Variants in DNHD1 observed in about 807,000 individuals in gnomAD.
The protein encoded by DNHD1 is dynein heavy chain domain 1.
DNHD1 carries 383 observed loss-of-function variants against 458.1 expected under a neutral mutation model. The ratio of observed to expected loss-of-function variants is 0.84; its 90% CI spans 0.77 to 0.91. The LOEUF is 0.91. Ranked by LOEUF, DNHD1 falls within the 40% of genes least tolerant of loss-of-function variation. The pLI, the probability that DNHD1 is intolerant of heterozygous loss-of-function variation, is 0.00. For missense variants in DNHD1, 5,336 were observed against 5,866.1 expected (o/e 0.91, Z 2.95); for synonymous variants, 2,203 against 2,376.9 (o/e 0.93, Z 2.13).
intron 4 of DNHD1, among the ~76,000 whole-genome samples, chr11:6,506,964 GAT>G (rs1589865692): frequency 1.3e-5 from 2 of 152,166 alleles, no homozygotes; most frequent in East Asian, 1.9e-4. Flanking sequence ...GGTGGGGGTA[GAT>G]ATTGAGTTTA....
rs1226454558 is a variant in DNHD1, at chr11:6,559,168, A to G, written c.9417-13A>G. On this transcript the variant is annotated splice_polypyrimidine_tract_variant and intron_variant, in intron 27 of 42. Coordinates refer to ENST00000254579, the MANE Select transcript of DNHD1 (RefSeq NM_144666.3). ...CTCCTTTGGGTTTCCTCACCAGCAC[A>G]TTGTATCTCCAGGGTCCAGAATGCC... The G allele has an allele frequency of 1.3e-6, 2 of 1,551,612 alleles. No homozygotes were observed. Among genetic ancestry groups the G allele is most frequent in the Non-Finnish European group, 8.7e-7 (1 of 1,146,956 alleles).
In DNHD1 at chr11:6,570,918, C is replaced by A; in HGVS notation, c.13406C>A (p.Pro4469Gln). 6.2e-7 allele frequency: 1 copy of A among 1,613,218 alleles called. No homozygotes were observed. The highest frequency in any genetic ancestry group is 1.1e-5 in the South Asian group (1 of 91,072). ...ATTCGCCAAGACGAGTCCGACGCCC[C>A]GTGGTCAGTGCTGGGGCCAAATGCA... Reference protein sequence around the residue: ...HVIRQDESDAPWSVLGPNARR... With the variant: ...HVIRQDESDAQWSVLGPNARR... Residue 4469 changes from proline (P) to glutamine (Q), a missense_variant, in exon 42 of 43, where the codon CCG (proline) becomes CAG (glutamine). Pro to Gln is a moderately conservative substitution (Grantham distance 76, BLOSUM62 -1). Around this residue, in one of 4 missense-constraint regions of DNHD1, gnomAD observed 698 missense variants for 664.9 expected, o/e 1.05. Coordinates refer to ENST00000254579, the MANE Select transcript of DNHD1 (RefSeq NM_144666.3).
chr11:6,566,681 CAG>C lies in DNHD1; in HGVS notation c.11306_11307del (p.Glu3769ValfsTer3). 3 of 1,613,268 alleles carry C rather than the reference CAG, an allele frequency of 1.9e-6. No homozygotes were observed. Among genetic ancestry groups the C allele is most frequent in the Non-Finnish European group, 2.5e-6 (3 of 1,179,600 alleles). Reference protein sequence around the residue: ...EEQMLHEILCREYPELETRWQ... With the variant: ...EEQMLHEILCXEYPELETRWQ... Reference sequence around the variant, plus strand: ...AACAGATGCTGCATGAAATCTTGTGCAGAGAGTATCCTGAACTCGAGACCCGC... The same window carrying C: ...AACAGATGCTGCATGAAATCTTGTGCAGAGTATCCTGAACTCGAGACCCGC... On this transcript the variant is annotated frameshift_variant, in exon 35 of 43. Coordinates refer to ENST00000254579, the MANE Select transcript of DNHD1 (RefSeq NM_144666.3). LOFTEE classifies it high-confidence loss of function.
Position 6,558,270 on chromosome 11 carries a change from A to C in DNHD1, c.8975A>C (p.Asn2992Thr). 1 of 1,551,512 alleles carries C rather than the reference A, an allele frequency of 6.4e-7. No individual in the cohort carries two copies. The highest frequency in any genetic ancestry group is 1.4e-5 in the African/African-American group (1 of 73,186). Residue 2992 changes from asparagine to threonine, a missense_variant, in exon 25 of 43, where the codon AAC (asparagine) becomes ACC (threonine). This residue lies in a region of DNHD1 where 3,932 missense variants were observed against 4,365.6 expected (regional missense o/e 0.90). Transcript: ENST00000254579. ...AGGGAGAACCTTGGTGTCAAACAGA[A>C]CATCAAGAAGGAAATGGTGTTGCAG... is the stretch of plus-strand genomic sequence containing the variant. Reference protein sequence around the residue: ...LPRENLGVKQNIKKEMVLQRF... With the variant: ...LPRENLGVKQTIKKEMVLQRF...
In DNHD1 at chr11:6,529,015, G is replaced by C; in HGVS notation, c.2241G>C (p.Val747=). The part of the protein sequence containing the change: ...GGPIKNYVTL[V]SRLNVWQARV... The stretch of plus-strand genomic sequence containing the variant: ...CCATCAAGAACTACGTGACGCTGGT[G>C]AGCCGCCTGAATGTTTGGCAGGCCC... The change falls in exon 12 of 43, where the codon GTG becomes GTC. Residue 747 remains valine (V), a synonymous_variant. Coordinates refer to ENST00000254579, the MANE Select transcript of DNHD1 (RefSeq NM_144666.3). 6.4e-7 allele frequency: 1 copy of C among 1,551,500 alleles called. No homozygotes were observed. Among genetic ancestry groups the C allele is most frequent in the African/African-American group, 1.4e-5 (1 of 73,172 alleles).
intron 10 of DNHD1, chr11:6,520,808 A>G (rs2134396549): frequency 1.0e-6 from 1 of 990,788 alleles, no homozygotes; most frequent in East Asian, 1.1e-4. Flanking sequence ...ACATCTTCAC[A>G]TTTCCCTTAT....
chr11:6,536,238 A>G (rs1852945707), intron 14 of DNHD1, among the ~76,000 whole-genome samples: 1 of 152,210 alleles, frequency 6.6e-6, no homozygotes, highest in African/African-American at 2.4e-5. Context: ...ACTAAGAGAC[A>G]TGACAAATGC....
rs891984093 is a variant in DNHD1 at position 6,566,303 on chromosome 11, C to T, written c.11116C>T (p.Leu3706=). The change falls in exon 34 of 43, where the codon CTG becomes TTG. Residue 3706 remains leucine, a synonymous_variant. Coordinates refer to ENST00000254579, the MANE Select transcript of DNHD1 (RefSeq NM_144666.3). ...AGGGTGCGAAGAACTGCAATGGCTG[C>T]TGCAACGGGAGCAGCTGAGTCCACC... ...GLGCEELQWL[L]QREQLSPPQV... is the part of the protein sequence containing the mutation. The T allele has an allele frequency of 1.6e-5, 25 of 1,551,878 alleles. No homozygotes were observed. The highest frequency in any genetic ancestry group is 1.7e-5 in the Non-Finnish European group (19 of 1,147,130).
At position 6,547,188 on chromosome 11, in the gene DNHD1, GATA is replaced by G. The variant is rs1564816545; in HGVS notation, c.6253_6255del (p.Ile2085del). 4 of 1,551,774 alleles carry G rather than the reference GATA, an allele frequency of 2.6e-6. No individual in the cohort carries two copies. Among genetic ancestry groups the G allele is most frequent in the South Asian group, 1.2e-5 (1 of 84,068 alleles). On this transcript the variant is annotated inframe_deletion, in exon 21 of 43. Coordinates refer to ENST00000254579, the MANE Select transcript of DNHD1 (RefSeq NM_144666.3). ...AGGAATCAATCGGGATCCAGCACTG[GATA>G]ATATGTGATGGAGCCTCCAATGGTG...
Position 6,519,671 on chromosome 11 carries a change from A to G in DNHD1, c.1464A>G (p.Thr488=). 6.2e-7 allele frequency: 1 copy of G among 1,614,220 alleles called. No homozygotes were observed. The highest frequency in any genetic ancestry group is 1.1e-5 in the South Asian group (1 of 91,088). The change falls in exon 8 of 43, where the codon ACA becomes ACG. Residue 488 remains threonine (T), a synonymous_variant. Transcript: ENST00000254579. The part of the protein sequence containing the change: ...ERVQNCDRIR[T]GQGSIYLQRV... ...TACAAAACTGTGACAGGATCAGGAC[A>G]GGCCAAGGCTCCATATACCTTCAGA...
rs1304493646 is a variant in DNHD1 at position 6,546,333 on chromosome 11, C to T, written c.5394C>T (p.Arg1798=). 6.4e-7 allele frequency: 1 copy of T among 1,552,386 alleles called. No homozygotes were observed. Among genetic ancestry groups the T allele is most frequent in the East Asian group, 2.4e-5 (1 of 40,922 alleles). ...SFFEKHHVSV[R]LGYGCLLVLR... is the part of the protein sequence containing the mutation. Reference sequence around the variant, plus strand: ...TTGAAAAACATCACGTGTCTGTGCGCCTTGGCTATGGCTGTCTCCTGGTAC... The same window carrying T: ...TTGAAAAACATCACGTGTCTGTGCGTCTTGGCTATGGCTGTCTCCTGGTAC... The change falls in exon 21 of 43, where the codon CGC becomes CGT. Residue 1798 remains arginine (R), a synonymous_variant. Transcript: ENST00000254579.
intron 15 of DNHD1, 21 bp from the exon 16 acceptor site, chr11:6,538,591 A>C: frequency 3.9e-6 from 6 of 1,548,856 alleles, no homozygotes; most frequent in Non-Finnish European, 5.2e-6. Flanking sequence ...TCAAGCTGAC[A>C]GTGAGCCCTT....
chr11:6,515,877 T>C (rs1228320304), intron 7 of DNHD1, among the ~76,000 whole-genome samples: 2 of 148,388 alleles, frequency 1.3e-5, no homozygotes, highest in Non-Finnish European at 3.0e-5. Context: ...CTCCACCCCC[T>C]TGGGCTCAAG....
At chr11:6,511,130 C>G (rs997088896) in intron 6 of DNHD1, 143 bp from the exon 7 acceptor site, 10 of 1,105,450 alleles carry the variant, frequency 9.0e-6, no homozygotes, top group Admixed American at 7.7e-5. Context: ...CGAGAGGGAG[C>G]TGTCACTATT....
At chr11:6,525,213 G>A (rs1376197270) in intron 10 of DNHD1, among the ~76,000 whole-genome samples, 1 of 152,150 alleles carries the variant, frequency 6.6e-6, no homozygotes, top group Non-Finnish European at 1.5e-5. Context: ...CTTTTTGCCA[G>A]GAAAAGGAAT....
chr11:6,514,985 C>T (rs1852428426), intron 7 of DNHD1, among the ~76,000 whole-genome samples: 1 of 152,174 alleles, frequency 6.6e-6, no homozygotes, highest in Non-Finnish European at 1.5e-5. Context: ...TCAGGCAAAA[C>T]TCATCCTTTT....
Position 6,563,053 on chromosome 11 carries a change from G to A in DNHD1, c.9591G>A (p.Arg3197=), listed in dbSNP as rs1368328080. The A allele has an allele frequency of 6.4e-7, 1 of 1,551,664 alleles. No homozygotes were observed. The highest frequency in any genetic ancestry group is 8.7e-7 in the Non-Finnish European group (1 of 1,146,978). Residue 3197 remains arginine, a synonymous_variant, in exon 29 of 43, where the codon CGG becomes CGA. Coordinates refer to ENST00000254579, the MANE Select transcript of DNHD1 (RefSeq NM_144666.3). ...ACAAGCAGCAGCTGGAAGAGTGTCG[G>A]CATCAAGAGAACCTCATTGAGAACC... ...LLYKQQLEEC[R]HQENLIENLA...
Position 6,538,502 on chromosome 11 carries a change from T to C in DNHD1, c.3118T>C (p.Phe1040Leu). 1 of 1,551,742 alleles carries C rather than the reference T, an allele frequency of 6.4e-7. No homozygotes were observed. Among genetic ancestry groups the C allele is most frequent in the Non-Finnish European group, 8.7e-7 (1 of 1,146,994 alleles). Residue 1040 changes from phenylalanine (F) to leucine (L), a missense_variant, in exon 15 of 43, where the codon TTT becomes CTT. Phe to Leu is a conservative substitution (Grantham distance 22). Coordinates refer to ENST00000254579, the MANE Select transcript of DNHD1 (RefSeq NM_144666.3). Reference sequence around the variant, plus strand: ...CATCAGCGAGTGGAAGTGCATGGCTTTTGCCAAGGTGCTGACACCCTTCCT... The same window carrying C: ...CATCAGCGAGTGGAAGTGCATGGCTCTTGCCAAGGTGCTGACACCCTTCCT... The part of the protein sequence containing the change: ...ENISEWKCMA[F>L]AKFSPAMAQE...
At chr11:6,565,514 C>T (rs1278641119) in intron 32 of DNHD1, among the ~76,000 whole-genome samples, 181 bp from the exon 33 acceptor site, 2 of 152,144 alleles carry the variant, frequency 1.3e-5, no homozygotes, top group Admixed American at 1.3e-4. Context: ...CCTATGAGGT[C>T]GCCACTAATA....
Sources: allele counts gnomAD v4.1 joint callset (sites outside exome capture counted in the v4.1 genomes callset), GRCh38; gene constraint gnomAD v4.1.1; regional missense constraint gnomAD v4.1.1; transcripts MANE v1.5; gene names NCBI Gene and HGNC (gene_info 2026-07-23, HGNC 2026-07-21).